DNAI4: variants seen among roughly 807,000 people sequenced by gnomAD.
DNAI4 encodes WD repeat domain 78.
DNAI4 carries 85 observed loss-of-function variants against 105.8 expected under a neutral mutation model. The observed-to-expected ratio is 0.80, with a 90% confidence interval of 0.67 to 0.96. The LOEUF (loss-of-function observed/expected upper bound fraction) is 0.96. DNAI4 is among the 40% of genes least tolerant of loss of function. The pLI, the probability that DNAI4 is intolerant of heterozygous loss-of-function variation, is 0.00. For missense variants in DNAI4, 1,014 were observed against 1,005.6 expected, an observed-to-expected ratio of 1.01 and a Z score of -0.11; for synonymous variants, 352 against 331.5, an observed-to-expected ratio of 1.06 and a Z score of -0.67.
At chr1:66,827,684 C>T in intron 14 of DNAI4, 128 bp downstream of exon 14, 1 of 450,846 alleles carries the variant, frequency 2.2e-6, no homozygotes, top group Non-Finnish European at 3.9e-6. Flanking sequence ...GAAGAAAACA[C>T]TTAATTCAAG....
chr1:66,851,120 A>G (rs997314856), intron 7 of DNAI4, among the ~76,000 whole-genome samples: 4 of 151,930 alleles, frequency 2.6e-5, no homozygotes, highest in African/African-American at 9.7e-5. Flanking sequence ...TCAAATATAC[A>G]ATGTAGATAG....
In DNAI4 at chr1:66,814,174, T is replaced by C; in HGVS notation, c.2503A>G (p.Ile835Val). 1 of 1,590,614 alleles carries C rather than the reference T, an allele frequency of 6.3e-7. No individual in the cohort carries two copies. The highest frequency in any genetic ancestry group is 8.5e-7 in the Non-Finnish European group (1 of 1,176,842). ...PTVLETGRGD[I>V]MDTLLGSKSN... ...TTGGATCCAAGCAAAGTATCCATTATATCTCCCTGAAAAAAAAAAGTCACA... is the reference window on the plus strand; with the variant it reads ...TTGGATCCAAGCAAAGTATCCATTACATCTCCCTGAAAAAAAAAAGTCACA... The change falls in exon 17 of 17, where the codon ATA becomes GTA. Residue 835 changes from isoleucine to valine, a missense_variant. Physicochemically the swap from Ile to Val is conservative, Grantham distance 29. Coordinates refer to ENST00000371026, the MANE Select transcript of DNAI4 (RefSeq NM_024763.5).
At chr1:66,918,733 G>C (rs1242254448) in intron 1 of DNAI4, among the ~76,000 whole-genome samples, 3 of 152,138 alleles carry the variant, frequency 2.0e-5, no homozygotes, top group Non-Finnish European at 4.4e-5. Context: ...CTAGCCATGA[G>C]AGATCAGATA....
rs781775399 is a variant in DNAI4 at position 66,891,192 on chromosome 1, T to C, written c.605A>G (p.Glu202Gly). The C allele has an allele frequency of 2.5e-6, 4 of 1,613,960 alleles. No individual in the cohort carries two copies. In the Admixed American group the frequency reaches 6.7e-5, roughly 27 times the overall value. The part of the protein sequence containing the change: ...ASESIAEDLE[E>G]PSYKRERLTS... ...CAATCTTTCCCGTTTATAGGATGGT[T>C]CTTCCAGGTCTTCTGCTATTGATTC... Residue 202 changes from glutamate to glycine, a missense_variant, in exon 4 of 17, where the codon GAA becomes GGA. Physicochemically the swap from Glu to Gly is moderately conservative, Grantham distance 98 (BLOSUM62 -2). Coordinates refer to ENST00000371026, the MANE Select transcript of DNAI4 (RefSeq NM_024763.5).
chr1:66,863,060 G>A (rs1025977868), intron 6 of DNAI4, among the ~76,000 whole-genome samples: 5 of 152,032 alleles, frequency 3.3e-5, no homozygotes, highest in Admixed American at 2.0e-4. Context: ...GGTTATTATC[G>A]TCTCTTTTAA....
At chr1:66,862,118 C>CA (rs762174999) in intron 7 of DNAI4, 29 bp downstream of exon 7, 8 of 1,549,232 alleles carry the variant, frequency 5.2e-6, no homozygotes, top group South Asian at 2.5e-5. Flanking sequence ...TAAAGTCATT[C>CA]AAAAAAACTA....
At chr1:66,866,990 C>G (rs1171130633) in intron 6 of DNAI4, among the ~76,000 whole-genome samples, 1 of 152,082 alleles carries the variant, frequency 6.6e-6, no homozygotes, top group Non-Finnish European at 1.5e-5. Context: ...AAGGGGGAAG[C>G]CCCTTATAAA....
At chr1:66,869,572 G>A (rs1376916906) in intron 6 of DNAI4, among the ~76,000 whole-genome samples, 5 of 152,052 alleles carry the variant, frequency 3.3e-5, no homozygotes, top group Admixed American at 3.3e-4. Flanking sequence ...AATTGGTTAA[G>A]GACTAGAAAA....
intron 13 of DNAI4, 66 bp downstream of exon 13, chr1:66,833,519 G>T: frequency 2.6e-6 from 4 of 1,563,088 alleles, no homozygotes; most frequent in Non-Finnish European, 3.5e-6. Context: ...CTTGTTTTAT[G>T]ACTTAATACA....
intron 1 of DNAI4, among the ~76,000 whole-genome samples, chr1:66,920,603 C>G (rs968766506): frequency 1.3e-5 from 2 of 152,160 alleles, no homozygotes; most frequent in Non-Finnish European, 2.9e-5. Flanking sequence ...CACCCTGGCT[C>G]CTGCACCCAC....
chr1:66,901,971 G>C lies in DNAI4; in HGVS notation c.345+3230C>G, dbSNP rs188866596. Among the ~76,000 whole-genome samples the C allele has an allele frequency of 1.1e-4, 16 of 152,146 alleles. No homozygotes were observed. In the East Asian group the frequency reaches 2.5e-3, roughly 24 times the overall value. The stretch of plus-strand genomic sequence containing the variant: ...TAATTTATTTTTTCATTTTCTTATA[G>C]AGATGGGGTCTTGCTATGTTGTTCA... On this transcript the variant is annotated intron_variant, in intron 2 of 16. Coordinates refer to ENST00000371026, the MANE Select transcript of DNAI4 (RefSeq NM_024763.5).
chr1:66,897,931 A>AG (rs907709104), intron 2 of DNAI4, among the ~76,000 whole-genome samples: 4 of 152,148 alleles, frequency 2.6e-5, no homozygotes, highest in African/African-American at 9.7e-5. Context: ...GGATTGCCAC[A>AG]GGACCCCAGA....
chr1:66,909,377 G>A (rs1467151843), intron 1 of DNAI4, among the ~76,000 whole-genome samples: 1 of 149,914 alleles, frequency 6.7e-6, no homozygotes, highest in Non-Finnish European at 1.5e-5. Flanking sequence ...CCATCAAAAG[G>A]ATTATTACCA....
intron 4 of DNAI4, among the ~76,000 whole-genome samples, chr1:66,876,207 T>A (rs1646955202): frequency 6.6e-6 from 1 of 151,956 alleles, no homozygotes; most frequent in African/African-American, 2.4e-5. Flanking sequence ...AGAACAAAAT[T>A]TGAGGTACAT....
At chr1:66,851,767 G>A (rs1404391137) in intron 7 of DNAI4, among the ~76,000 whole-genome samples, 2 of 151,856 alleles carry the variant, frequency 1.3e-5, no homozygotes, top group Non-Finnish European at 2.9e-5. Context: ...AAATTTGTGG[G>A]ATACAGATAA....
intron 3 of DNAI4, among the ~76,000 whole-genome samples, chr1:66,892,511 T>C (rs890825519): frequency 6.6e-6 from 1 of 152,216 alleles, no homozygotes; most frequent in South Asian, 2.1e-4. Flanking sequence ...GTGAAATATA[T>C]ATATTTTTCA....
intron 4 of DNAI4, among the ~76,000 whole-genome samples, chr1:66,881,912 G>A (rs1404928865): frequency 2.0e-5 from 3 of 152,202 alleles, no homozygotes; most frequent in African/African-American, 7.2e-5. Flanking sequence ...TATGGGAGCA[G>A]TTCTTTCCTG....
At chr1:66,908,632 C>T (rs188067485) in intron 1 of DNAI4, among the ~76,000 whole-genome samples, 2 of 152,236 alleles carry the variant, frequency 1.3e-5, no homozygotes, top group African/African-American at 4.8e-5. Flanking sequence ...ACTAACTATA[C>T]CCTAAATTTT....
chr1:66,820,279 G>A (rs1484673133), intron 16 of DNAI4, among the ~76,000 whole-genome samples: 2 of 151,992 alleles, frequency 1.3e-5, no homozygotes, highest in South Asian at 4.2e-4. Context: ...TGGAAAACAG[G>A]TAAGTAAAAA....
Sources: gnomAD v4.1 joint callset for allele counts (sites outside exome capture counted in the v4.1 genomes callset) on GRCh38, gnomAD v4.1.1 for gene constraint, MANE v1.5 for transcripts, NCBI Gene and HGNC (gene_info 2026-07-23, HGNC 2026-07-21) for gene names.